ZCWPW2: variants seen among roughly 807,000 people sequenced by gnomAD.
ZCWPW2 encodes zinc finger CW-type and PWWP domain containing 2.
Under a neutral mutation model 46.6 loss-of-function variants are expected in ZCWPW2, and 45 were observed. That is an observed-to-expected ratio of 0.96 (90% confidence interval 0.76 to 1.24). ZCWPW2 has a LOEUF of 1.24. Ranked by LOEUF, ZCWPW2 falls within the 50% of genes most tolerant of loss-of-function variation. The pLI is 0.00. For missense variants in ZCWPW2, 429 were observed against 403.9 expected (o/e 1.06, Z -0.53); for synonymous variants, 152 against 137.1 (o/e 1.11, Z -0.76).
chr3:28,475,803 C>G (rs1699218163), intron 4 of ZCWPW2, among the ~76,000 whole-genome samples: 1 of 152,122 alleles, frequency 6.6e-6, no homozygotes, highest in African/African-American at 2.4e-5. Context: ...CCTAAATTCA[C>G]CTTTTTGATG....
chr3:28,475,031 G>A (rs1297979671), intron 4 of ZCWPW2, among the ~76,000 whole-genome samples: 2 of 151,682 alleles, frequency 1.3e-5, no homozygotes, highest in Non-Finnish European at 2.9e-5. Flanking sequence ...TTTAGTAGAG[G>A]CAGGGTTTCA....
At chr3:28,359,620 G>T (rs1229893952) in intron 1 of ZCWPW2, among the ~76,000 whole-genome samples, 1 of 152,042 alleles carries the variant, frequency 6.6e-6, no homozygotes, top group Non-Finnish European at 1.5e-5. Flanking sequence ...AAGTTTGAAA[G>T]TTTGTAAATG....
chr3:28,352,711 A>G (rs1200874830), intron 1 of ZCWPW2, among the ~76,000 whole-genome samples: 1 of 152,234 alleles, frequency 6.6e-6, no homozygotes, highest in East Asian at 1.9e-4. Context: ...ATAACCAGAA[A>G]TCGTTACACT....
chr3:28,453,797 ATATTTATTTATTTATT>A (rs202155639), intron 4 of ZCWPW2, among the ~76,000 whole-genome samples: 137 of 148,172 alleles, frequency 9.2e-4, no homozygotes, highest in African/African-American at 3.0e-3. Context: ...ATAATTGTGT[ATATTTATTTATTTATT>A]TATTTATTTA....
chr3:28,411,361 G>T (rs1161568063), intron 2 of ZCWPW2, among the ~76,000 whole-genome samples: 1 of 151,658 alleles, frequency 6.6e-6, no homozygotes, highest in African/African-American at 2.4e-5. Flanking sequence ...AATCCTTTTG[G>T]TAAGCTGGTA....
At chr3:28,349,240 A>AG in intron 1 of ZCWPW2, 37 bp downstream of exon 1, 2 of 981,820 alleles carry the variant, frequency 2.0e-6, no homozygotes, top group Non-Finnish European at 2.4e-6. Flanking sequence ...TGTTGGGCCG[A>AG]GGTCCCCCTT....
intron 3 of ZCWPW2, among the ~76,000 whole-genome samples, chr3:28,414,373 G>A (rs1428076244): frequency 6.6e-6 from 1 of 151,224 alleles, no homozygotes; most frequent in African/African-American, 2.4e-5. Context: ...TAGGTTCCGG[G>A]ATACATGTGC....
chr3:28,521,040 A>T lies in ZCWPW2; in HGVS notation c.833A>T (p.Gln278Leu), dbSNP rs1700710174. 1 of 1,613,284 alleles carries T rather than the reference A, an allele frequency of 6.2e-7. No individual in the cohort carries two copies. The highest frequency in any genetic ancestry group is 8.5e-7 in the Non-Finnish European group (1 of 1,179,722). ...VLLKELEQML[Q>L]QALQPTATPD... The stretch of plus-strand genomic sequence containing the variant: ...CTAAAAGAGCTGGAGCAAATGCTGC[A>T]GCAAGCACTGCAACCCACAGCCACA... The change falls in exon 9 of 10, where the codon CAG (glutamine) becomes CTG (leucine). Residue 278 changes from glutamine (Q) to leucine (L), a missense_variant. Physicochemically the swap from Gln to Leu is moderately radical, Grantham distance 113. Transcript: ENST00000383768.
intron 1 of ZCWPW2, among the ~76,000 whole-genome samples, chr3:28,363,114 A>C (rs1415299608): frequency 6.6e-6 from 1 of 152,142 alleles, no homozygotes; most frequent in Non-Finnish European, 1.5e-5. Flanking sequence ...GCTGTTGGGT[A>C]CTATGCTTAG....
At chr3:28,434,018 A>G (rs1272913914) in intron 3 of ZCWPW2, among the ~76,000 whole-genome samples, 2 of 151,800 alleles carry the variant, frequency 1.3e-5, no homozygotes, top group Non-Finnish European at 2.9e-5. Context: ...TTAAAATTAC[A>G]GAAATTATTT....
chr3:28,501,744 T>G (rs574679160), intron 6 of ZCWPW2, among the ~76,000 whole-genome samples: 2 of 152,250 alleles, frequency 1.3e-5, no homozygotes, highest in East Asian at 3.9e-4. Flanking sequence ...AGTGTAAATC[T>G]TAACATACAA....
rs889211831 is a variant in ZCWPW2 at position 28,390,564 on chromosome 3, G to A, written c.-67G>A. On this transcript the variant is annotated 5_prime_UTR_variant, in exon 2 of 10. Transcript: ENST00000383768. ...CCTCACTTCCCTTCTCTGGAGTTTT[G>A]GAGTCTATTTTCTTCATGGAATTTT... is the stretch of plus-strand genomic sequence containing the variant. 6.1e-6 allele frequency: 6 copies of A among 985,060 alleles called. No homozygotes were observed. In the African/African-American group the frequency reaches 1.0e-4, roughly 17 times the overall value. The allele number at this position is 985,060 out of a possible 1,614,324, so 61.0% of individuals were successfully genotyped here.
intron 3 of ZCWPW2, among the ~76,000 whole-genome samples, chr3:28,434,300 A>G (rs1045634370): frequency 3.3e-5 from 5 of 152,142 alleles, no homozygotes; most frequent in Admixed American, 2.0e-4. Context: ...GTTTTTGCTT[A>G]TCAGGGGTGT....
chr3:28,523,296 G>C (rs1443862314), intron 9 of ZCWPW2, among the ~76,000 whole-genome samples: 1 of 152,066 alleles, frequency 6.6e-6, no homozygotes, highest in African/African-American at 2.4e-5. Context: ...AGGATATTTG[G>C]GTTCTTGTTC....
At chr3:28,465,123 C>G (rs2125791432) in intron 4 of ZCWPW2, among the ~76,000 whole-genome samples, 1 of 152,234 alleles carries the variant, frequency 6.6e-6, no homozygotes, top group Non-Finnish European at 1.5e-5. Context: ...ATTTATAAAA[C>G]AGCTTTGTTT....
At chr3:28,444,493 A>G (rs1697906914) in intron 4 of ZCWPW2, among the ~76,000 whole-genome samples, 1 of 152,184 alleles carries the variant, frequency 6.6e-6, no homozygotes, top group Non-Finnish European at 1.5e-5. Flanking sequence ...TTATAAATCT[A>G]GTGTCCCCAG....
At chr3:28,491,303 G>C (rs528890880) in intron 5 of ZCWPW2, among the ~76,000 whole-genome samples, 3 of 152,166 alleles carry the variant, frequency 2.0e-5, no homozygotes, top group South Asian at 2.1e-4. Flanking sequence ...ATAGTAACCT[G>C]TTCCTCTGAG....
intron 2 of ZCWPW2, among the ~76,000 whole-genome samples, chr3:28,402,703 C>T (rs1296389586): frequency 6.6e-6 from 1 of 152,070 alleles, no homozygotes; most frequent in African/African-American, 2.4e-5. Context: ...AATAATCTGC[C>T]ATGATCAAGT....
chr3:28,492,351 G>A (rs1699839457), intron 6 of ZCWPW2, among the ~76,000 whole-genome samples, 178 bp downstream of exon 6: 1 of 151,760 alleles, frequency 6.6e-6, no homozygotes, highest in Admixed American at 6.6e-5. Flanking sequence ...TAATATTTAT[G>A]GTTACTTATA....
Sources: gnomAD v4.1 joint callset for allele counts (sites outside exome capture counted in the v4.1 genomes callset) on GRCh38, gnomAD v4.1.1 for gene constraint, MANE v1.5 for transcripts, NCBI Gene and HGNC (gene_info 2026-07-23, HGNC 2026-07-21) for gene names.